VGLL4: variants seen among roughly 807,000 people sequenced by gnomAD.
VGLL4 encodes transcription cofactor vestigial-like protein 4.
A neutral mutation model predicts 21.0 loss-of-function variants in VGLL4; 7 were observed. That is an observed-to-expected ratio of 0.33 (90% confidence interval 0.19 to 0.63). The LOEUF (loss-of-function observed/expected upper bound fraction) is 0.63. Among genes scored for constraint, VGLL4 ranks in the 20% least tolerant of loss-of-function variants. The pLI is 0.78. For synonymous variants in VGLL4, 222 were observed against 173.2 expected (o/e 1.28, Z -2.21); for missense variants, 394 against 425.7 (o/e 0.93, Z 0.66).
At chr3:11,640,005 CAG>C (rs1169495653) in intron 1 of VGLL4, among the ~76,000 whole-genome samples, 4 of 152,180 alleles carry the variant, frequency 2.6e-5, no homozygotes, top group Admixed American at 1.3e-4. Context: ...CTCTGAAAAA[CAG>C]AGTTTCCCTC....
rs2073661219 is a variant in VGLL4, at chr3:11,568,907, C to T, written c.273-3888G>A. 7 of 1,287,078 alleles carry T rather than the reference C, an allele frequency of 5.4e-6. No individual in the cohort carries two copies. Among genetic ancestry groups the T allele is most frequent in the South Asian group, 1.8e-5 (1 of 55,038 alleles). The allele number at this position is 1,287,078 out of a possible 1,614,324, so 79.7% of individuals were successfully genotyped here. ...CCCGGCCCCGCCCCGGGCCTCATCC[C>T]CATCCTAGGCGGGCACTTCCACTGC... On this transcript the variant is annotated intron_variant, in intron 2 of 4. Transcript: ENST00000430365. This position sits in a 1 kb window ranked among gnomAD's most constrained non-coding sequence, Gnocchi z 5.9.
chr3:11,692,115 T>C (rs1045207851), intron 2 of VGLL4, among the ~76,000 whole-genome samples: 9 of 152,144 alleles, frequency 5.9e-5, no homozygotes, highest in Admixed American at 5.9e-4. Context: ...TCTCTAAGGA[T>C]TGTGAAACAT....
chr3:11,570,869 G>A (rs1268445931), intron 2 of VGLL4, among the ~76,000 whole-genome samples: 11 of 152,142 alleles, frequency 7.2e-5, no homozygotes, highest in Non-Finnish European at 1.5e-4. Context: ...ACTCATCACC[G>A]TGGCTTCTCT....
intron 1 of VGLL4, among the ~76,000 whole-genome samples, chr3:11,715,100 A>C (rs2076901670): frequency 6.7e-6 from 1 of 149,364 alleles, no homozygotes; most frequent in African/African-American, 2.5e-5. Context: ...GCGCCGCTGC[A>C]CTCCAGCCTG....
chr3:11,635,748 G>A (rs2125322764), intron 1 of VGLL4, among the ~76,000 whole-genome samples: 1 of 152,324 alleles, frequency 6.6e-6, no homozygotes, highest in African/African-American at 2.4e-5. Context: ...TCCGAATTTT[G>A]AATTCAGCAG....
At chr3:11,604,666 G>T (rs138533672) in intron 1 of VGLL4, 1 of 544,866 alleles carries the variant, frequency 1.8e-6, no homozygotes, top group East Asian at 1.5e-4. Flanking sequence ...TTTAGGATGG[G>T]GTGAATTTGG....
intron 2 of VGLL4, among the ~76,000 whole-genome samples, chr3:11,666,367 T>G (rs958086972): frequency 6.6e-6 from 1 of 152,128 alleles, no homozygotes; most frequent in Non-Finnish European, 1.5e-5. Context: ...TTCTTATCTC[T>G]GCATGAGATG....
intron 2 of VGLL4, among the ~76,000 whole-genome samples, chr3:11,581,034 G>C (rs1401716598): frequency 6.7e-6 from 1 of 149,592 alleles, no homozygotes; most frequent in Non-Finnish European, 1.5e-5. Flanking sequence ...TATACATTAT[G>C]TTAACAGATC....
intron 2 of VGLL4, among the ~76,000 whole-genome samples, chr3:11,600,452 G>A (rs73025165): frequency 6.6e-6 from 1 of 152,074 alleles, no homozygotes; most frequent in African/African-American, 2.4e-5. Flanking sequence ...GGGAATAAAA[G>A]AATGAACTGC....
intron 2 of VGLL4, among the ~76,000 whole-genome samples, chr3:11,681,073 A>G (rs556804916): frequency 1.6e-4 from 25 of 152,070 alleles, no homozygotes; most frequent in Middle Eastern, 3.4e-3. Context: ...TTCTAAATAC[A>G]TTCCAAATCA....
At chr3:11,574,783 ATATGTGTGTGTGTG>A (rs1326464055) in intron 2 of VGLL4, among the ~76,000 whole-genome samples, 27 of 111,780 alleles carry the variant, frequency 2.4e-4, no homozygotes, top group African/African-American at 8.2e-4. Context: ...ATTCAACTAT[ATATGTGTGTGTGTG>A]TGTGTGTGTG....
intron 3 of VGLL4, among the ~76,000 whole-genome samples, chr3:11,564,178 C>T (rs1156323738): frequency 6.6e-6 from 1 of 152,152 alleles, no homozygotes; most frequent in Non-Finnish European, 1.5e-5. Flanking sequence ...CCCCAGGAAC[C>T]CCATTTTTAA....
At chr3:11,620,928 A>G (rs1230517960) in intron 1 of VGLL4, among the ~76,000 whole-genome samples, 1 of 152,214 alleles carries the variant, frequency 6.6e-6, no homozygotes, top group Non-Finnish European at 1.5e-5. Flanking sequence ...GCTCCTCAAG[A>G]AGGGCCCTGG....
At chr3:11,608,029 C>T (rs2074983867) in intron 1 of VGLL4, among the ~76,000 whole-genome samples, 1 of 152,192 alleles carries the variant, frequency 6.6e-6, no homozygotes, top group Non-Finnish European at 1.5e-5. Flanking sequence ...AAAGCACATA[C>T]ACCAAAAGGA....
At chr3:11,562,150 A>G (rs1345725291) in intron 3 of VGLL4, among the ~76,000 whole-genome samples, 1 of 150,998 alleles carries the variant, frequency 6.6e-6, no homozygotes, top group Non-Finnish European at 1.5e-5. Context: ...CGCCGCCTCA[A>G]CCCCCCAAAG....
At chr3:11,590,344 T>G (rs1281887617) in intron 2 of VGLL4, among the ~76,000 whole-genome samples, 1 of 152,242 alleles carries the variant, frequency 6.6e-6, no homozygotes, top group African/African-American at 2.4e-5. Context: ...TAGGAGTTGG[T>G]TTGTCCTTTC....
In VGLL4 at chr3:11,649,910, G is replaced by A. The variant is rs913205520; in HGVS notation, c.65-47888C>T. Among the ~76,000 whole-genome samples the A allele has an allele frequency of 6.4e-5, 8 of 125,162 alleles. No individual in the cohort carries two copies. The East Asian group carries it at 1.4e-3, about 22-fold the overall frequency. 82.1% of individuals were successfully genotyped at this position (125,162 alleles called of 152,430 possible). ...CAAGTGCTCTATTTGGTTTGGTTTG[G>A]TTTGGTTTGGTTTGGTTTGGTTTGG... On this transcript the variant is annotated intron_variant, in intron 2 of 5. Transcript: ENST00000273038.
At chr3:11,580,020 A>T (rs1031048122) in intron 2 of VGLL4, among the ~76,000 whole-genome samples, 1 of 151,898 alleles carries the variant, frequency 6.6e-6, no homozygotes, top group African/African-American at 2.4e-5. Flanking sequence ...AGTTTTTCAT[A>T]TTTTTTTTAC....
chr3:11,621,355 A>G (rs1328629662), intron 1 of VGLL4, among the ~76,000 whole-genome samples: 1 of 152,186 alleles, frequency 6.6e-6, no homozygotes, highest in African/African-American at 2.4e-5. Flanking sequence ...ATGCCTAGCA[A>G]CCACTAACCT....
Sources: gnomAD v4.1 joint callset for allele counts (sites outside exome capture counted in the v4.1 genomes callset) on GRCh38, gnomAD v4.1.1 for gene constraint, Gnocchi (gnomAD v3.1) non-coding constraint, MANE v1.5 for transcripts, NCBI Gene and HGNC (gene_info 2026-07-23, HGNC 2026-07-21) for gene names.